The following GPR158 variants were observed in gnomAD, a reference collection of about 807,000 sequenced individuals.
The protein encoded by GPR158 is metabotropic glycine receptor.
In GPR158, 30 loss-of-function variants were observed where a neutral mutation model predicts 78.2. The ratio of observed to expected loss-of-function variants is 0.38; its 90% confidence interval spans 0.29 to 0.52. The LOEUF is 0.52. Among genes scored for constraint, GPR158 ranks in the 20% least tolerant of loss-of-function variants. The pLI is 0.83. For synonymous variants in GPR158, 581 were observed against 591.1 expected (o/e 0.98, Z 0.25); for missense variants, 1,463 against 1,523.5 (o/e 0.96, Z 0.66).
In GPR158 at chr10:25,435,720, G is replaced by A. The variant is rs80289029; in HGVS notation, c.1335+23247G>A. Among the ~76,000 whole-genome samples the A allele has an allele frequency of 8.6e-3, 1,316 of 152,324 alleles. 22 individuals carry two copies. The highest frequency in any genetic ancestry group is 0.03 in the African/African-American group (1,240 of 41,568). ...CTGTTTATCGGGATCTCATTTATAG[G>A]TGGTCCTGTTGATTGATTATTAAAC... On this transcript the variant is annotated intron_variant, in intron 4 of 10. Coordinates refer to ENST00000376351, the MANE Select transcript of GPR158 (RefSeq NM_020752.3).
chr10:25,283,450 C>CA (rs1028151040), intron 2 of GPR158, among the ~76,000 whole-genome samples: 1 of 151,940 alleles, frequency 6.6e-6, no homozygotes, highest in Non-Finnish European at 1.5e-5. Flanking sequence ...TGTGAAAAAT[C>CA]AGACATTGGT....
chr10:25,325,695 T>C (rs938530542), intron 2 of GPR158, among the ~76,000 whole-genome samples: 1 of 152,178 alleles, frequency 6.6e-6, no homozygotes, highest in Non-Finnish European at 1.5e-5. Context: ...CATACCATTT[T>C]TTATAGTGGC....
chr10:25,529,432 A>G (rs1163595892), intron 5 of GPR158, among the ~76,000 whole-genome samples: 2 of 152,148 alleles, frequency 1.3e-5, no homozygotes, highest in Non-Finnish European at 2.9e-5. Context: ...GACATAAAAG[A>G]TAAAGTGAAT....
intron 2 of GPR158, among the ~76,000 whole-genome samples, chr10:25,354,446 C>T (rs1447525241): frequency 6.6e-6 from 1 of 151,880 alleles, no homozygotes. Context: ...AAAAAACTCT[C>T]TACACTTTAG....
At chr10:25,292,349 C>T (rs1030916687) in intron 2 of GPR158, among the ~76,000 whole-genome samples, 2 of 152,012 alleles carry the variant, frequency 1.3e-5, no homozygotes, top group Non-Finnish European at 2.9e-5. Flanking sequence ...TTTAGACAGT[C>T]TCTTTGGAAT....
In GPR158 at chr10:25,510,513, A is replaced by G. The variant is rs1429208915; in HGVS notation, c.1405-40463A>G. 2.0e-5 allele frequency among the ~76,000 whole-genome samples: 3 copies of G among 152,144 alleles called. No individual in the cohort carries two copies. The East Asian group carries it at 5.8e-4, about 29-fold the overall frequency. On this transcript the variant is annotated intron_variant, in intron 5 of 10. Transcript: ENST00000376351. ...ATCTAATTGTTTAGATGAATTGTGG[A>G]GAATTCATCAAAGGACTTTGTTTTA...
At chr10:25,530,228 AAAAC>A (rs1178221812) in intron 5 of GPR158, among the ~76,000 whole-genome samples, 2 of 152,224 alleles carry the variant, frequency 1.3e-5, no homozygotes, top group Non-Finnish European at 2.9e-5. Flanking sequence ...TGTTATTAAA[AAAAC>A]AAACACAGAA....
chr10:25,449,266 A>G (rs1835182454), intron 4 of GPR158, among the ~76,000 whole-genome samples: 1 of 152,156 alleles, frequency 6.6e-6, no homozygotes, highest in Non-Finnish European at 1.5e-5. Context: ...TTCAGTCTTG[A>G]TAGCTCTTAT....
intron 5 of GPR158, among the ~76,000 whole-genome samples, chr10:25,471,837 T>C (rs566590351): frequency 7.9e-4 from 121 of 152,260 alleles, no homozygotes; most frequent in Admixed American, 1.4e-3. Flanking sequence ...CATTTGTTCG[T>C]ATTCTTTGTA....
intron 2 of GPR158, among the ~76,000 whole-genome samples, chr10:25,271,563 CAT>C (rs1854119505): frequency 6.6e-6 from 1 of 152,206 alleles, no homozygotes; most frequent in African/African-American, 2.4e-5. Flanking sequence ...TCTGACCACA[CAT>C]GTCATATGGC....
At chr10:25,553,403 T>A (rs1329894546) in intron 6 of GPR158, among the ~76,000 whole-genome samples, 2 of 152,194 alleles carry the variant, frequency 1.3e-5, no homozygotes, top group East Asian at 3.8e-4. Flanking sequence ...TTGAAACTAT[T>A]GCTAATGTAA....
intron 5 of GPR158, among the ~76,000 whole-genome samples, chr10:25,511,110 G>A (rs1220934042): frequency 3.0e-4 from 45 of 152,202 alleles, no homozygotes. Flanking sequence ...TGTTCTTTAA[G>A]GACTTTCCAC....
At chr10:25,322,384 AAAAAAAAG>A (rs1378836301) in intron 2 of GPR158, among the ~76,000 whole-genome samples, 1 of 151,986 alleles carries the variant, frequency 6.6e-6, no homozygotes, top group African/African-American at 2.4e-5. Context: ...CCGTCTCAAA[AAAAAAAAG>A]AAAAAAAAAG....
rs184270532 is a variant in GPR158 at position 25,298,976 on chromosome 10, C to T, written c.1008+77819C>T. The stretch of plus-strand genomic sequence containing the variant: ...ACCTGAAGCTGAATATAACAATGTA[C>T]ACACAGTGCTTGTTAATTTTGTAGA... On this transcript the variant is annotated intron_variant, in intron 2 of 10. Transcript: ENST00000376351. Among the ~76,000 whole-genome samples, 588 of 152,248 alleles carry T rather than the reference C, an allele frequency of 3.9e-3. 1 individual carries two copies. Among genetic ancestry groups the T allele is most frequent in the Non-Finnish European group, 6.5e-3 (445 of 67,992 alleles).
At chr10:25,351,061 G>A (rs575492459) in intron 2 of GPR158, among the ~76,000 whole-genome samples, 15 of 151,958 alleles carry the variant, frequency 9.9e-5, no homozygotes, top group South Asian at 2.1e-4. Context: ...AGATTCCTTC[G>A]CAGAAGAGGT....
chr10:25,249,088 G>A (rs1025120847), intron 2 of GPR158, among the ~76,000 whole-genome samples: 6 of 151,956 alleles, frequency 3.9e-5, no homozygotes, highest in African/African-American at 1.5e-4. Flanking sequence ...TTGTGAATGG[G>A]AGTTCACTCA....
chr10:25,249,150 T>G (rs943089426), intron 2 of GPR158, among the ~76,000 whole-genome samples: 4 of 152,152 alleles, frequency 2.6e-5, no homozygotes, highest in African/African-American at 9.7e-5. Context: ...GTGATTTTTG[T>G]ACATTGATTT....
At chr10:25,202,440 TC>T (rs1710978860) in intron 1 of GPR158, among the ~76,000 whole-genome samples, 1 of 152,152 alleles carries the variant, frequency 6.6e-6, no homozygotes, top group Non-Finnish European at 1.5e-5. Flanking sequence ...TGTGTGATGT[TC>T]CCCTTCCTGT....
intron 4 of GPR158, among the ~76,000 whole-genome samples, chr10:25,426,218 A>C (rs1588857843): frequency 1.3e-5 from 2 of 152,252 alleles, no homozygotes; most frequent in East Asian, 3.9e-4. Context: ...GCCTTAAAGG[A>C]ATGTTGTGGC....
Sources: gnomAD v4.1 joint callset for allele counts (sites outside exome capture counted in the v4.1 genomes callset) on GRCh38, gnomAD v4.1.1 for gene constraint, MANE v1.5 for transcripts, NCBI Gene and HGNC (gene_info 2026-07-23, HGNC 2026-07-21) for gene names.